The following C16orf95 variants were observed in gnomAD, a reference collection of about 807,000 sequenced individuals.
C16orf95 encodes the protein chromosome 16 open reading frame 95, also known as uncharacterized protein C16orf95.
Under a neutral mutation model 32.1 loss-of-function variants are expected in C16orf95, and 41 were observed. That is an observed-to-expected ratio of 1.28 (90% CI 1.00 to 1.66). The LOEUF is 1.66. C16orf95 is among the 40% of genes most tolerant of loss of function. C16orf95 has a pLI of 0.00. For missense variants in C16orf95, 399 were observed against 325.9 expected (o/e 1.22, Z -1.73); for synonymous variants, 147 against 128.9 (o/e 1.14, Z -0.95).
At position 87,303,022 on chromosome 16, in the gene C16orf95, G is replaced by T; in HGVS notation, c.*35C>A. On this transcript the variant is annotated 3_prime_UTR_variant, in exon 7 of 7. Transcript: ENST00000567970. ...AAGATCTTGATCGTGACACATTTTT[G>T]TGGCTGTTCTTGACAGTAGCTGAAG... 1 of 1,535,032 alleles carries T rather than the reference G, an allele frequency of 6.5e-7. No homozygotes were observed. The highest frequency in any genetic ancestry group is 8.7e-7 in the Non-Finnish European group (1 of 1,145,892).
chr16:87,315,791 A>G lies in C16orf95; in HGVS notation c.185T>C (p.Val62Ala), dbSNP rs1904318667. 2.0e-6 allele frequency: 3 copies of G among 1,531,094 alleles called. No homozygotes were observed. Among genetic ancestry groups the G allele is most frequent in the African/African-American group, 1.4e-5 (1 of 72,848 alleles). The allele number at this position is 1,531,094 out of a possible 1,614,324, so 94.8% of individuals were successfully genotyped here. A position where few individuals can be genotyped will look rare whatever the true frequency, so the allele number is the denominator to read the frequency against. The change falls in exon 2 of 7, where the codon GTG (valine) becomes GCG (alanine). Residue 62 changes from valine (V) to alanine (A), a missense_variant. By Grantham distance (64) the Val-to-Ala change is moderately conservative (BLOSUM62 0). Coordinates refer to ENST00000567970, the MANE Select transcript of C16orf95 (RefSeq NM_001195124.3). ...NSTFQTYKKE[V>A]CLPRHSMHPG... ...CCTTACCGAATGACGGGGGAGGCAC[A>G]CTTCTTTCTTGTAGGTTTGAAATGT...
intron 5 of C16orf95, 49 bp downstream of exon 5, chr16:87,310,245 CCCA>C: frequency 6.6e-7 from 1 of 1,526,502 alleles, no homozygotes; most frequent in Non-Finnish European, 8.8e-7. Context: ...GCTCACGAAC[CCCA>C]CCTTTCTGGG....
In C16orf95 at chr16:87,306,032, C is replaced by T. The variant is rs774570017; in HGVS notation, c.515-127G>A. The stretch of plus-strand genomic sequence containing the variant: ...GACTTCCAGGACCCAGCCACAGCCC[C>T]GGGGTGGGGACACTGACCCGGAGCT... On this transcript the variant is annotated intron_variant, in intron 5 of 6. Transcript: ENST00000567970. 10 of 668,782 alleles carry T rather than the reference C, an allele frequency of 1.5e-5. No individual in the cohort carries two copies. In the South Asian group the frequency reaches 1.5e-4, roughly 10 times the overall value. 41.4% of individuals were successfully genotyped at this position (668,782 alleles called of 1,614,324 possible).
At chr16:87,308,102 T>C (rs1170220070) in intron 5 of C16orf95, among the ~76,000 whole-genome samples, 1 of 152,164 alleles carries the variant, frequency 6.6e-6, no homozygotes, top group Non-Finnish European at 1.5e-5. Context: ...GCGGGAGCCT[T>C]GCTGTGGTAG....
chr16:87,304,679 T>C (rs1910932673), intron 6 of C16orf95, among the ~76,000 whole-genome samples: 1 of 152,046 alleles, frequency 6.6e-6, no homozygotes, highest in Non-Finnish European at 1.5e-5. Flanking sequence ...CCGATGCACA[T>C]CACAGCCTCA....
At position 87,303,246 on chromosome 16, in the gene C16orf95, C is replaced by T. The variant is rs566799397; in HGVS notation, c.702-171G>A. 5.6e-5 allele frequency: 35 copies of T among 625,538 alleles called. 1 individual carries two copies. In the Admixed American group the frequency reaches 7.5e-4, roughly 13 times the overall value. 38.7% of individuals were successfully genotyped at this position (625,538 alleles called of 1,614,324 possible). A position where few individuals can be genotyped will look rare whatever the true frequency, so the allele number is the denominator to read the frequency against. ...GGGTGCAGGGATGAGGGGTGGGGTG[C>T]AGTCCTGGCCATATCGCTTTCCAGC... is the stretch of plus-strand genomic sequence containing the variant. On this transcript the variant is annotated intron_variant, in intron 6 of 6. Coordinates refer to ENST00000567970, the MANE Select transcript of C16orf95 (RefSeq NM_001195124.3).
chr16:87,315,035 G>GGCAGGC lies in C16orf95; in HGVS notation c.260_265dup (p.Arg87_Leu88dup), dbSNP rs760298437. 1 of 1,536,134 alleles carries GGCAGGC rather than the reference G, an allele frequency of 6.5e-7. No homozygotes were observed. Among genetic ancestry groups the GGCAGGC allele is most frequent in the South Asian group, 1.2e-5 (1 of 84,068 alleles). ...CAGTGCTGCTTCCACCCTGGACACA[G>GGCAGGC]GCAGGCGGCCCCCGAATCTGGTCTG... On this transcript the variant is annotated inframe_insertion, in exon 3 of 7. Coordinates refer to ENST00000567970, the MANE Select transcript of C16orf95 (RefSeq NM_001195124.3).
chr16:87,312,619 G>T (rs1216892879), intron 3 of C16orf95, among the ~76,000 whole-genome samples: 1 of 150,128 alleles, frequency 6.7e-6, no homozygotes, highest in Non-Finnish European at 1.5e-5. Flanking sequence ...AAAACTGAAT[G>T]CCATCCCTCA....
At chr16:87,312,902 T>C (rs1233207446) in intron 3 of C16orf95, among the ~76,000 whole-genome samples, 1 of 152,136 alleles carries the variant, frequency 6.6e-6, no homozygotes, top group Non-Finnish European at 1.5e-5. Flanking sequence ...TGAAAAGTCA[T>C]AAATTGAAAT....
At chr16:87,312,568 C>CAAAAAAAAAAAAAAAAA in intron 3 of C16orf95, among the ~76,000 whole-genome samples, 1 of 86,060 alleles carries the variant, frequency 1.2e-5, no homozygotes, top group Non-Finnish European at 2.1e-5. Flanking sequence ...GACTCCATCT[C>CAAAAAAAAAAAAAAAAA]AAAAAAAAAA....
intron 5 of C16orf95, among the ~76,000 whole-genome samples, chr16:87,308,306 T>C (rs1281535377): frequency 6.6e-6 from 1 of 151,428 alleles, no homozygotes; most frequent in Non-Finnish European, 1.5e-5. Context: ...CATGGTGAAA[T>C]CCCATCTCTA....
intron 5 of C16orf95, among the ~76,000 whole-genome samples, chr16:87,309,561 T>G (rs993371901): frequency 1.3e-5 from 2 of 151,884 alleles, no homozygotes; most frequent in Non-Finnish European, 2.9e-5. Flanking sequence ...TTTTTTGTAT[T>G]TTAGTAGAGA....
In C16orf95 at chr16:87,317,154, C is replaced by G. The variant is rs919853965; in HGVS notation, c.89G>C (p.Gly30Ala). ...TGAASGAAAG[G>A]PGAGCVGLCR... ...GAGCCCGACGCACCCCGCGCCCGGC[C>G]CCCCGGCAGCAGCGCCTGAGGCTGC... The change falls in exon 1 of 7, where the codon GGG (glycine) becomes GCG (alanine). Residue 30 changes from glycine (G) to alanine (A), a missense_variant. Gly to Ala is a moderately conservative substitution (Grantham distance 60, BLOSUM62 0). Transcript: ENST00000567970. The G allele has an allele frequency of 2.0e-6, 3 of 1,533,824 alleles. No individual in the cohort carries two copies. Among genetic ancestry groups the G allele is most frequent in the African/African-American group, 1.4e-5 (1 of 72,974 alleles).
At position 87,315,510 on chromosome 16, in the gene C16orf95, G is replaced by A. The variant is rs576365099; in HGVS notation, c.204+262C>T. ...CCTTCGCAACACCCTCAGGCAGGAA[G>A]GAGAGGTGCTGCCATCACCTCCAGG... On this transcript the variant is annotated intron_variant, in intron 2 of 6. Transcript: ENST00000567970. Among the ~76,000 whole-genome samples the A allele has an allele frequency of 3.3e-5, 5 of 152,238 alleles. No individual in the cohort carries two copies. The South Asian group carries it at 6.2e-4, about 19-fold the overall frequency.
At position 87,305,907 on chromosome 16, in the gene C16orf95, T is replaced by C; in HGVS notation, c.515-2A>G. ...AGCAGCATGCATCCAGCAGGGGTGC[T>C]AGGCAAAGAAAAGGTGGGTTGAGGA... On this transcript the variant is annotated splice_acceptor_variant, in intron 5 of 6. Transcript: ENST00000567970. LOFTEE classifies it high-confidence loss of function. The surrounding 1 kb of genome is among the most constrained non-coding windows in gnomAD (Gnocchi z 4.2). The C allele has an allele frequency of 7.1e-7, 1 of 1,411,908 alleles. No homozygotes were observed. 87.5% of individuals were successfully genotyped at this position (1,411,908 alleles called of 1,614,324 possible). A position where few individuals can be genotyped will look rare whatever the true frequency, so the allele number is the denominator to read the frequency against.
intron 6 of C16orf95, among the ~76,000 whole-genome samples, chr16:87,304,222 C>T (rs1010592811): frequency 2.6e-5 from 4 of 152,074 alleles, no homozygotes; most frequent in African/African-American, 9.7e-5. Flanking sequence ...GTTGCCCAAG[C>T]TGGTCTTGAA....
At chr16:87,306,914 G>A (rs112897549) in intron 5 of C16orf95, among the ~76,000 whole-genome samples, 5 of 152,140 alleles carry the variant, frequency 3.3e-5, no homozygotes, top group African/African-American at 1.2e-4. Context: ...TAAGCTTTTA[G>A]CTTTTCTTAA....
chr16:87,303,513 G>A lies in C16orf95; in HGVS notation c.702-438C>T, dbSNP rs115756323. ...GCTTCTCCTGAGATAAGCTGGGTTG[G>A]TGGCTTGGGGCATCTCACAGGGCAC... On this transcript the variant is annotated intron_variant, in intron 6 of 6. Transcript: ENST00000567970. 3.5e-3 allele frequency: 618 copies of A among 175,648 alleles called. 2 individuals are homozygous for A. Among genetic ancestry groups the A allele is most frequent in the African/African-American group, 0.014 (592 of 42,990 alleles). 10.9% of individuals were successfully genotyped at this position (175,648 alleles called of 1,614,324 possible).
intron 4 of C16orf95, 115 bp from the exon 5 acceptor site, chr16:87,310,448 CAAGG>C: frequency 9.8e-7 from 1 of 1,016,368 alleles, no homozygotes; most frequent in Admixed American, 2.1e-5. Flanking sequence ...AGATAAAAGC[CAAGG>C]GCTCCTCCTT....
Sources: gnomAD v4.1 joint callset for allele counts (sites outside exome capture counted in the v4.1 genomes callset) on GRCh38, gnomAD v4.1.1 for gene constraint, Gnocchi (gnomAD v3.1) non-coding constraint, MANE v1.5 for transcripts, NCBI Gene and HGNC (gene_info 2026-07-23, HGNC 2026-07-21) for gene names.